The following GALNTL5 variants were observed in gnomAD, a reference collection of about 807,000 sequenced individuals.
GALNTL5 encodes the protein polypeptide N-acetylgalactosaminyltransferase like 5.
A neutral mutation model predicts 51.0 loss-of-function variants in GALNTL5; 44 were observed. The observed-to-expected ratio is 0.86, with a 90% CI of 0.68 to 1.11. The LOEUF is 1.11. Ranked by LOEUF, GALNTL5 falls within the 50% of genes least tolerant of loss-of-function variation. The pLI is 0.00. For missense variants in GALNTL5, 528 were observed against 531.8 expected, an observed-to-expected ratio of 0.99 and a Z score of 0.07; for synonymous variants, 192 against 182.8, an observed-to-expected ratio of 1.05 and a Z score of -0.41.
intron 6 of GALNTL5, among the ~76,000 whole-genome samples, chr7:152,007,413 C>CT (rs34271081): frequency 0.057 from 6,304 of 109,814 alleles, 369 homozygotes; most frequent in African/African-American, 0.091. Flanking sequence ...AATGTTTTCT[C>CT]TTTTTTTTTT....
At chr7:152,006,660 C>T (rs1464050951) in intron 6 of GALNTL5, among the ~76,000 whole-genome samples, 3 of 152,214 alleles carry the variant, frequency 2.0e-5, no homozygotes, top group Non-Finnish European at 2.9e-5. Context: ...CTACCCTTTC[C>T]CCTACACATG....
intron 3 of GALNTL5, among the ~76,000 whole-genome samples, chr7:151,974,060 C>T (rs1213264372): frequency 1.3e-5 from 2 of 152,130 alleles, no homozygotes; most frequent in Admixed American, 6.5e-5. Flanking sequence ...CTGAGGCCTC[C>T]CCAACCATGT....
At chr7:152,012,716 G>A (rs1010510918) in intron 7 of GALNTL5, among the ~76,000 whole-genome samples, 2 of 152,090 alleles carry the variant, frequency 1.3e-5, no homozygotes, top group Non-Finnish European at 1.5e-5. Flanking sequence ...CCTCTAATCC[G>A]AGCACTTTGG....
chr7:152,014,421 C>G (rs945904751), intron 7 of GALNTL5, among the ~76,000 whole-genome samples: 3 of 152,178 alleles, frequency 2.0e-5, no homozygotes, highest in Non-Finnish European at 4.4e-5. Context: ...GCATGCGCCA[C>G]CACGCCTGGC....
chr7:152,017,425 T>TACCTACTGAAAA (rs2081833644), intron 8 of GALNTL5, among the ~76,000 whole-genome samples: 1 of 152,200 alleles, frequency 6.6e-6, no homozygotes, highest in Non-Finnish European at 1.5e-5. Context: ...CATCACGTGG[T>TACCTACTGAAAA]ACATGACTGT....
intron 3 of GALNTL5, among the ~76,000 whole-genome samples, chr7:151,976,707 C>T (rs768798975): frequency 2.0e-5 from 3 of 152,072 alleles, no homozygotes; most frequent in Non-Finnish European, 2.9e-5. Context: ...CTCGCTCTGT[C>T]GCCTGGGCTG....
At chr7:151,964,731 A>G (rs563403976) in intron 1 of GALNTL5, among the ~76,000 whole-genome samples, 81 of 152,220 alleles carry the variant, frequency 5.3e-4, no homozygotes, top group Non-Finnish European at 9.4e-4. Flanking sequence ...TGATTGGAAT[A>G]GCTGAGTGTT....
In GALNTL5 at chr7:151,970,953, T is replaced by C. The variant is rs553518942; in HGVS notation, c.256T>C (p.Phe86Leu). 2.5e-6 allele frequency: 4 copies of C among 1,601,134 alleles called. No individual in the cohort carries two copies. The Admixed American group carries it at 6.7e-5, about 27-fold the overall frequency. ...ATTACATTTTCTTGCAGGTACAGAT[T>C]TTAACCATACAAACCCAGAACTTCA... ...DKAKSMLGTD[F>L]NHTNPELHKE... Residue 86 changes from phenylalanine (F) to leucine (L), a missense_variant, in exon 3 of 9, where the codon TTT becomes CTT. Phe to Leu is a conservative substitution (Grantham distance 22, BLOSUM62 0). Coordinates refer to ENST00000392800, the MANE Select transcript of GALNTL5 (RefSeq NM_145292.4).
At chr7:152,007,363 T>C (rs1311681394) in intron 6 of GALNTL5, among the ~76,000 whole-genome samples, 1 of 151,984 alleles carries the variant, frequency 6.6e-6, no homozygotes, top group Non-Finnish European at 1.5e-5. Context: ...TTTTTAGTAA[T>C]TTTATATACT....
At chr7:152,014,347 A>G (rs761618024) in intron 7 of GALNTL5, among the ~76,000 whole-genome samples, 3 of 152,156 alleles carry the variant, frequency 2.0e-5, no homozygotes, top group Non-Finnish European at 4.4e-5. Flanking sequence ...CTCGGCTCAC[A>G]ACATCCACCT....
At chr7:152,017,155 G>A (rs933181842) in intron 8 of GALNTL5, among the ~76,000 whole-genome samples, 1 of 152,102 alleles carries the variant, frequency 6.6e-6, no homozygotes, top group Non-Finnish European at 1.5e-5. Flanking sequence ...ATTGTTGTGG[G>A]ACCATCATAG....
At chr7:151,976,753 T>C (rs2081211467) in intron 3 of GALNTL5, among the ~76,000 whole-genome samples, 1 of 152,036 alleles carries the variant, frequency 6.6e-6, no homozygotes, top group African/African-American at 2.4e-5. Flanking sequence ...ACTGCAACCT[T>C]TGCCTCCAGG....
At position 152,019,852 on chromosome 7, in the gene GALNTL5, T is replaced by C; in HGVS notation, c.*51T>C. On this transcript the variant is annotated 3_prime_UTR_variant, in exon 9 of 9. Coordinates refer to ENST00000392800, the MANE Select transcript of GALNTL5 (RefSeq NM_145292.4). ...TAAAGGGTTAAAAGTCTCCTAGTCA[T>C]TCAACATAGTGTCACAAGAGTGTAA... 2 of 1,458,886 alleles carry C rather than the reference T, an allele frequency of 1.4e-6. No homozygotes were observed. The highest frequency in any genetic ancestry group is 9.5e-7 in the Non-Finnish European group (1 of 1,058,150). 90.4% of individuals were successfully genotyped at this position (1,458,886 alleles called of 1,614,324 possible).
intron 3 of GALNTL5, among the ~76,000 whole-genome samples, chr7:151,979,608 C>T (rs555180844): frequency 6.0e-4 from 91 of 151,752 alleles, no homozygotes; most frequent in African/African-American, 1.6e-3. Flanking sequence ...TACAGGCACC[C>T]GCCACCACGG....
chr7:151,978,472 G>A (rs182715141), intron 3 of GALNTL5, among the ~76,000 whole-genome samples: 4 of 152,320 alleles, frequency 2.6e-5, no homozygotes, highest in Admixed American at 1.3e-4. Context: ...TGCTAGCCAT[G>A]CAGAATCTCA....
At chr7:151,975,308 T>A (rs2081192678) in intron 3 of GALNTL5, among the ~76,000 whole-genome samples, 1 of 152,128 alleles carries the variant, frequency 6.6e-6, no homozygotes, top group African/African-American at 2.4e-5. Context: ...AGGTTGTATG[T>A]TTCTGGGAAT....
rs184051433 is a variant in GALNTL5, at chr7:152,010,320, C to T, written c.1026+2376C>T. 6.4e-3 allele frequency among the ~76,000 whole-genome samples: 972 copies of T among 152,074 alleles called. 8 individuals are homozygous for T. The highest frequency in any genetic ancestry group is 0.012 in the Non-Finnish European group (783 of 67,982). On this transcript the variant is annotated intron_variant, in intron 7 of 8. Transcript: ENST00000392800. ...TAGAGATGGGGTTTCACCATGTTGG[C>T]CAGGATGGTCTTGATCTTCTGACCT...
intron 4 of GALNTL5, among the ~76,000 whole-genome samples, chr7:151,984,837 GA>G (rs1264856486): frequency 7.9e-5 from 12 of 152,184 alleles, no homozygotes; most frequent in Non-Finnish European, 1.3e-4. Context: ...AGAAGTACAA[GA>G]ATGCTGCCAT....
chr7:151,990,053 T>C (rs572049149), intron 5 of GALNTL5, among the ~76,000 whole-genome samples: 1 of 152,178 alleles, frequency 6.6e-6, no homozygotes, highest in East Asian at 1.9e-4. Context: ...TATTTATTTA[T>C]TTATTTTGAG....
Sources: allele counts gnomAD v4.1 joint callset (sites outside exome capture counted in the v4.1 genomes callset), GRCh38; gene constraint gnomAD v4.1.1; transcripts MANE v1.5; gene names NCBI Gene and HGNC (gene_info 2026-07-23, HGNC 2026-07-21).